EPHA5: variants seen among roughly 807,000 people sequenced by gnomAD.
EPHA5 encodes the protein EPH receptor A5, also known as ephrin type-A receptor 5.
EPHA5 carries 60 observed loss-of-function variants against 105.0 expected under a neutral mutation model. That is an observed-to-expected ratio of 0.57 (90% CI 0.46 to 0.71). The LOEUF (loss-of-function observed/expected upper bound fraction) is 0.71. EPHA5 is among the 30% of genes least tolerant of loss of function. EPHA5 has a pLI of 0.00. For synonymous variants in EPHA5, 513 were observed against 449.1 expected (o/e 1.14, Z -1.80); for missense variants, 1,218 against 1,274.7 (o/e 0.96, Z 0.68).
At chr4:65,614,253 C>A (rs1036394451) in intron 2 of EPHA5, among the ~76,000 whole-genome samples, 2 of 151,784 alleles carry the variant, frequency 1.3e-5, no homozygotes, top group Admixed American at 6.6e-5. Flanking sequence ...TTAAAACAAG[C>A]TGTTAACTGC....
chr4:65,529,917 C>T (rs1161130242), intron 3 of EPHA5, among the ~76,000 whole-genome samples: 1 of 151,972 alleles, frequency 6.6e-6, no homozygotes, highest in Non-Finnish European at 1.5e-5. Context: ...AAATTATACA[C>T]ATTGGAAACA....
At chr4:65,647,960 C>G (rs955437745) in intron 1 of EPHA5, among the ~76,000 whole-genome samples, 1 of 152,074 alleles carries the variant, frequency 6.6e-6, no homozygotes, top group Admixed American at 6.6e-5. Context: ...AATGCCCAAC[C>G]AAATAACAGA....
rs772645860 is a variant in EPHA5 at position 65,323,527 on chromosome 4, G to T, written c.*587C>A. The T allele has an allele frequency of 4.3e-6, 1 of 230,000 alleles. No individual in the cohort carries two copies. Among genetic ancestry groups the T allele is most frequent in the Non-Finnish European group, 8.6e-6 (1 of 116,006 alleles). The allele number at this position is 230,000 out of a possible 1,614,324, so 14.2% of individuals were successfully genotyped here. A position where few individuals can be genotyped will look rare whatever the true frequency, so the allele number is the denominator to read the frequency against. Reference sequence around the variant, plus strand: ...AAAAAATAAATATACACCCTGTATTGTACTTTTTCTTGATCAAGCAACATG... The same window carrying T: ...AAAAAATAAATATACACCCTGTATTTTACTTTTTCTTGATCAAGCAACATG... On this transcript the variant is annotated 3_prime_UTR_variant, in exon 17 of 17. Transcript: ENST00000613740.
chr4:65,375,129 T>C (rs1718867521), intron 8 of EPHA5, among the ~76,000 whole-genome samples: 1 of 151,902 alleles, frequency 6.6e-6, no homozygotes, highest in Non-Finnish European at 1.5e-5. Flanking sequence ...TTTTTTATTG[T>C]TTATATAAGC....
intron 8 of EPHA5, among the ~76,000 whole-genome samples, chr4:65,391,286 ACTATC>A (rs1720692583): frequency 6.6e-6 from 1 of 152,108 alleles, no homozygotes; most frequent in South Asian, 2.1e-4. Context: ...TATCACTATA[ACTATC>A]ACAGCCATCA....
At chr4:65,606,968 T>C (rs926000672) in intron 2 of EPHA5, among the ~76,000 whole-genome samples, 4 of 152,222 alleles carry the variant, frequency 2.6e-5, no homozygotes, top group Non-Finnish European at 4.4e-5. Flanking sequence ...CAGGGAAAGC[T>C]GTTCTTCACA....
At chr4:65,474,272 C>G (rs997292967) in intron 5 of EPHA5, among the ~76,000 whole-genome samples, 1 of 152,038 alleles carries the variant, frequency 6.6e-6, no homozygotes, top group African/African-American at 2.4e-5. Context: ...GAGTTTTCAT[C>G]TTCAAACGTC....
intron 2 of EPHA5, among the ~76,000 whole-genome samples, chr4:65,608,668 C>T (rs1415918294): frequency 2.6e-5 from 4 of 152,048 alleles, no homozygotes; most frequent in Admixed American, 2.0e-4. Context: ...ATATTGTGTG[C>T]TAATTTAAAG....
Position 65,434,762 on chromosome 4 carries a change from T to C in EPHA5, c.1403-14197A>G, listed in dbSNP as rs563336346. On this transcript the variant is annotated intron_variant, in intron 5 of 16. Transcript: ENST00000613740. Reference sequence around the variant, plus strand: ...CAGAAAATTCCCTCTTGAATCAAGATTGCTGCTTCACATAATGTTGTAGGC... The same window carrying C: ...CAGAAAATTCCCTCTTGAATCAAGACTGCTGCTTCACATAATGTTGTAGGC... Among the ~76,000 whole-genome samples, 32 of 152,270 alleles carry C rather than the reference T, an allele frequency of 2.1e-4. No homozygotes were observed. In the East Asian group the frequency reaches 3.3e-3, roughly 16 times the overall value.
chr4:65,575,997 AGAG>A lies in EPHA5; in HGVS notation c.910+25641_910+25643del, dbSNP rs1560720490. The stretch of plus-strand genomic sequence containing the variant: ...TCAAAAAAGAAAGAGAGAGAGAGAG[AGAG>A]AGAAAGAAAGAAAGAAAGAAAGAAA... On this transcript the variant is annotated intron_variant, in intron 3 of 16. Transcript: ENST00000613740. Among the ~76,000 whole-genome samples, 233 of 86,406 alleles carry A rather than the reference AGAG, an allele frequency of 2.7e-3. 6 individuals are homozygous for A. The highest frequency in any genetic ancestry group is 9.0e-3 in the African/African-American group (205 of 22,718). The allele number at this position is 86,406 out of a possible 152,430, so 56.7% of individuals were successfully genotyped here.
At chr4:65,332,321 A>G (rs1226784639) in intron 15 of EPHA5, among the ~76,000 whole-genome samples, 193 bp from the exon 16 acceptor site, 2 of 151,838 alleles carry the variant, frequency 1.3e-5, no homozygotes, top group African/African-American at 4.8e-5. Context: ...TACTGAGATT[A>G]TTTTATCCAT....
chr4:65,335,083 T>G (rs2148809910), intron 15 of EPHA5, among the ~76,000 whole-genome samples: 1 of 152,100 alleles, frequency 6.6e-6, no homozygotes, highest in Non-Finnish European at 1.5e-5. Context: ...TCATAGAACT[T>G]TCATAACTTT....
intron 8 of EPHA5, among the ~76,000 whole-genome samples, chr4:65,369,393 A>G (rs1182208804): frequency 6.6e-6 from 1 of 152,172 alleles, no homozygotes; most frequent in African/African-American, 2.4e-5. Flanking sequence ...TACTAAAAAC[A>G]AAATTTCCAT....
chr4:65,432,433 G>T (rs958476617), intron 5 of EPHA5, among the ~76,000 whole-genome samples: 11 of 152,292 alleles, frequency 7.2e-5, no homozygotes, highest in African/African-American at 2.6e-4. Flanking sequence ...TCTAGAGAAA[G>T]TCTACAGTTA....
At position 65,332,033 on chromosome 4, in the gene EPHA5, G is replaced by C. The variant is rs1220467150; in HGVS notation, c.2885C>G (p.Thr962Arg). The change falls in exon 16 of 17, where the codon ACA becomes AGA. Residue 962 changes from threonine to arginine, a missense_variant. Transcript: ENST00000613740. ...GTATCCATTTTCCATGAAAATCTCT[G>C]TATACCGGCCCATCTTGATTGCCTC... ...WLEAIKMGRYTEIFMENGYSS... is the reference protein window; with the variant it reads ...WLEAIKMGRYREIFMENGYSS... 6.2e-7 allele frequency: 1 copy of C among 1,611,816 alleles called. No individual in the cohort carries two copies.
chr4:65,439,856 T>C (rs1725845191), intron 5 of EPHA5, among the ~76,000 whole-genome samples: 1 of 152,158 alleles, frequency 6.6e-6, no homozygotes, highest in Non-Finnish European at 1.5e-5. Context: ...TTGATTTAGA[T>C]AAACTAGTGC....
intron 7 of EPHA5, among the ~76,000 whole-genome samples, chr4:65,408,227 A>G (rs1015254887): frequency 6.6e-6 from 1 of 152,112 alleles, no homozygotes; most frequent in East Asian, 1.9e-4. Context: ...TTTGTTTAGG[A>G]GTGAGAAAAA....
At chr4:65,624,729 T>C (rs1745988153) in intron 2 of EPHA5, among the ~76,000 whole-genome samples, 2 of 152,204 alleles carry the variant, frequency 1.3e-5, no homozygotes, top group South Asian at 4.1e-4. Context: ...ATGAATTTCA[T>C]AATGAAAGCA....
Position 65,525,698 on chromosome 4 carries a change from C to A in EPHA5, c.911-30155G>T, listed in dbSNP as rs567336050. Among the ~76,000 whole-genome samples, 42 of 152,020 alleles carry A rather than the reference C, an allele frequency of 2.8e-4. No individual in the cohort carries two copies. In the South Asian group the frequency reaches 8.1e-3, roughly 29 times the overall value. On this transcript the variant is annotated intron_variant, in intron 3 of 16. Transcript: ENST00000613740. Reference sequence around the variant, plus strand: ...AAGAACCTTACTGAAAACAAAGACTCATCATTTTCTCAAAGAAAAGCCCCC... The same window carrying A: ...AAGAACCTTACTGAAAACAAAGACTAATCATTTTCTCAAAGAAAAGCCCCC...
Sources: gnomAD v4.1 joint callset for allele counts (sites outside exome capture counted in the v4.1 genomes callset) on GRCh38, gnomAD v4.1.1 for gene constraint, MANE v1.5 for transcripts, NCBI Gene and HGNC (gene_info 2026-07-23, HGNC 2026-07-21) for gene names.